The following TANC1 variants were observed in gnomAD, a reference collection of about 807,000 sequenced individuals.
The protein encoded by TANC1 is protein TANC1.
In TANC1, 77 loss-of-function variants were observed where a neutral mutation model predicts 149.7. The observed-to-expected ratio is 0.51, with a 90% CI of 0.43 to 0.62. The LOEUF is 0.62. Among genes scored for constraint, TANC1 ranks in the 20% least tolerant of loss-of-function variants. The pLI is 0.00. For missense variants in TANC1, 1,985 were observed against 2,321.8 expected (o/e 0.85, Z 2.98); for synonymous variants, 854 against 925.0 (o/e 0.92, Z 1.39).
At chr2:159,050,602 G>A (rs2041395262) in intron 2 of TANC1, among the ~76,000 whole-genome samples, 1 of 152,196 alleles carries the variant, frequency 6.6e-6, no homozygotes, top group Admixed American at 6.5e-5. Context: ...ACCTAGAGCA[G>A]GCTGCTGAGA....
rs2060225225 is a variant in TANC1 at position 159,229,558 on chromosome 2, C to G, written c.4152-20C>G. Reference sequence around the variant, plus strand: ...TGTTCGTGTGTGGTTTGTAATGTTACCTTACATTTTCCTACAAAGGCAATT... The same window carrying G: ...TGTTCGTGTGTGGTTTGTAATGTTAGCTTACATTTTCCTACAAAGGCAATT... On this transcript the variant is annotated intron_variant, in intron 26 of 26. Coordinates refer to ENST00000263635, the MANE Select transcript of TANC1 (RefSeq NM_033394.3). 1.3e-6 allele frequency: 2 copies of G among 1,584,418 alleles called. No individual in the cohort carries two copies. Among genetic ancestry groups the G allele is most frequent in the Non-Finnish European group, 1.7e-6 (2 of 1,158,398 alleles).
rs72943899 is a variant in TANC1 at position 159,109,239 on chromosome 2, G to A, written c.259+11405G>A. Among the ~76,000 whole-genome samples the A allele has an allele frequency of 6.4e-3, 977 of 152,286 alleles. 5 individuals are homozygous for A. The highest frequency in any genetic ancestry group is 0.012 in the Admixed American group (190 of 15,306). ...AGTGTGTCTGTCTGCCCCAGTCATG[G>A]GCAGGTGGACGCAGCTGGATTCATG... On this transcript the variant is annotated intron_variant, in intron 4 of 26. Transcript: ENST00000263635.
At chr2:159,096,548 A>G (rs1487353824) in intron 3 of TANC1, among the ~76,000 whole-genome samples, 1 of 152,176 alleles carries the variant, frequency 6.6e-6, no homozygotes, top group Non-Finnish European at 1.5e-5. Flanking sequence ...GCACACCTGG[A>G]CAGGGGAGGG....
intron 4 of TANC1, among the ~76,000 whole-genome samples, chr2:159,112,000 C>T (rs1272609406): frequency 2.6e-5 from 4 of 152,172 alleles, no homozygotes; most frequent in Non-Finnish European, 5.9e-5. Flanking sequence ...CTAGAATCTC[C>T]TGTTGTGTCA....
rs868603035 is a variant in TANC1 at position 159,014,718 on chromosome 2, A to G, written c.-16+13529A>G. On this transcript the variant is annotated intron_variant, in intron 2 of 26. Coordinates refer to ENST00000263635, the MANE Select transcript of TANC1 (RefSeq NM_033394.3). ...GGGGTACTGACATTGGGTAAATACA[A>G]CCATTCCAAATGGGAGAAATTGGCC... is the stretch of plus-strand genomic sequence containing the variant. 1.5e-4 allele frequency among the ~76,000 whole-genome samples: 23 copies of G among 152,266 alleles called. No individual in the cohort carries two copies. In the Middle Eastern group the frequency reaches 0.02, roughly 135 times the overall value.
At chr2:158,982,830 C>T (rs2034530447) in intron 1 of TANC1, among the ~76,000 whole-genome samples, 1 of 152,056 alleles carries the variant, frequency 6.6e-6, no homozygotes, top group Non-Finnish European at 1.5e-5. Context: ...TGCTATGTCA[C>T]CCAGGCTGGT....
rs543776691 is a variant in TANC1 at position 159,122,660 on chromosome 2, G to C, written c.260-13534G>C. 3.9e-5 allele frequency among the ~76,000 whole-genome samples: 6 copies of C among 152,152 alleles called. No individual in the cohort carries two copies. The East Asian group carries it at 1.2e-3, about 29-fold the overall frequency. ...CTATAGTTTTGCCTTTTCAGATGTC[G>C]TGTTTAGAATTGTGTATAACCTTTT... is the stretch of plus-strand genomic sequence containing the variant. On this transcript the variant is annotated intron_variant, in intron 4 of 26. Transcript: ENST00000263635.
rs537820686 is a variant in TANC1, at chr2:159,230,331, C to T, written c.4905C>T (p.Ser1635=). 1.9e-4 allele frequency: 311 copies of T among 1,614,128 alleles called. No homozygotes were observed. The highest frequency in any genetic ancestry group is 6.6e-4 in the Middle Eastern group (4 of 6,062). Residue 1635 remains serine, a synonymous_variant, in exon 27 of 27, where the codon TCC becomes TCT. Coordinates refer to ENST00000263635, the MANE Select transcript of TANC1 (RefSeq NM_033394.3). The surrounding 1 kb of genome is among the most constrained non-coding windows in gnomAD (Gnocchi z 4.4). ...KTTERLLSHS[S]VAVDAAPPNQ... is the part of the protein sequence containing the mutation. ...CAGAGAGGCTTCTGTCTCATTCCTCCGTGGCTGTGGACGCAGCCCCTCCAA... is the reference window on the plus strand; with the variant it reads ...CAGAGAGGCTTCTGTCTCATTCCTCTGTGGCTGTGGACGCAGCCCCTCCAA...
intron 4 of TANC1, among the ~76,000 whole-genome samples, chr2:159,105,065 G>A (rs1281023643): frequency 8.9e-6 from 1 of 111,906 alleles, no homozygotes; most frequent in African/African-American, 3.4e-5. Flanking sequence ...TGTGATCTGG[G>A]CTCACTGCAA....
chr2:159,123,193 G>C (rs1457920959), intron 4 of TANC1, among the ~76,000 whole-genome samples: 2 of 152,190 alleles, frequency 1.3e-5, no homozygotes, highest in African/African-American at 4.8e-5. Flanking sequence ...TGCCAGAGCA[G>C]GTAGGTGTGA....
chr2:159,091,401 A>G (rs1012211547), intron 3 of TANC1, among the ~76,000 whole-genome samples: 1 of 152,282 alleles, frequency 6.6e-6, no homozygotes, highest in African/African-American at 2.4e-5. Flanking sequence ...CATCTAAAAA[A>G]TAAAAAGAGC....
chr2:159,035,724 G>A (rs1010776875), intron 2 of TANC1, among the ~76,000 whole-genome samples: 2 of 152,116 alleles, frequency 1.3e-5, no homozygotes, highest in Non-Finnish European at 2.9e-5. Flanking sequence ...CAGGCTGGAG[G>A]GACAGTCTTC....
chr2:159,219,128 T>A (rs1044069832), intron 20 of TANC1, 110 bp from the exon 21 acceptor site: 8 of 1,437,496 alleles, frequency 5.6e-6, no homozygotes, highest in African/African-American at 1.4e-5. Context: ...CTTACAGATT[T>A]TTGAAAGAAA....
chr2:158,991,916 C>T (rs2035671031), intron 1 of TANC1, among the ~76,000 whole-genome samples: 1 of 152,110 alleles, frequency 6.6e-6, no homozygotes, highest in South Asian at 2.1e-4. Flanking sequence ...AGCATTCATT[C>T]ATGGGGGTTT....
chr2:159,202,518 G>C (rs1317305340), intron 19 of TANC1, among the ~76,000 whole-genome samples: 1 of 152,096 alleles, frequency 6.6e-6, no homozygotes, highest in African/African-American at 2.4e-5. Context: ...CCAATGTTTA[G>C]GGACCAGCCA....
intron 13 of TANC1, among the ~76,000 whole-genome samples, chr2:159,177,675 C>T (rs930207284): frequency 2.6e-5 from 4 of 152,234 alleles, no homozygotes; most frequent in African/African-American, 9.6e-5. Flanking sequence ...TAATTGTATT[C>T]TGCCCTCTTT....
intron 2 of TANC1, among the ~76,000 whole-genome samples, chr2:159,054,042 T>C: frequency 6.6e-6 from 1 of 152,216 alleles, no homozygotes; most frequent in Non-Finnish European, 1.5e-5. Flanking sequence ...GTGAAGTGTG[T>C]GTGAGCCGTG....
chr2:159,149,319 A>T, intron 6 of TANC1, 47 bp downstream of exon 6: 1 of 1,612,862 alleles, frequency 6.2e-7, no homozygotes, highest in Non-Finnish European at 8.5e-7. Context: ...TCAGAGGATG[A>T]ACGAAGCAAT....
chr2:159,136,039 T>TGC (rs1370568678), intron 4 of TANC1, among the ~76,000 whole-genome samples, 155 bp from the exon 5 acceptor site: 116 of 54,106 alleles, frequency 2.1e-3, no homozygotes, highest in African/African-American at 5.9e-3. Flanking sequence ...TGTGTGTGTG[T>TGC]GTGTGTGTGT....
Sources: allele counts gnomAD v4.1 joint callset (sites outside exome capture counted in the v4.1 genomes callset), GRCh38; gene constraint gnomAD v4.1.1; non-coding constraint Gnocchi (gnomAD v3.1); transcripts MANE v1.5; gene names NCBI Gene and HGNC (gene_info 2026-07-23, HGNC 2026-07-21).